The following MYOM1 variants were observed in gnomAD, a reference collection of about 807,000 sequenced individuals.
The protein encoded by MYOM1 is myomesin-1.
MYOM1 carries 164 observed loss-of-function variants against 205.3 expected under a neutral mutation model. That is an observed-to-expected ratio of 0.80 (90% CI 0.70 to 0.91). The LOEUF is 0.91. Among genes scored for constraint, MYOM1 ranks in the 40% least tolerant of loss-of-function variants. The probability of loss-of-function intolerance (pLI) is 0.00; values close to 1 mark genes in which losing one functional copy is unlikely to be tolerated. For missense variants in MYOM1, 2,011 were observed against 2,127.3 expected (o/e 0.95, Z 1.08); for synonymous variants, 772 against 789.4 (o/e 0.98, Z 0.37).
At chr18:3,091,683 T>A (rs1016654740) in intron 26 of MYOM1, among the ~76,000 whole-genome samples, 17 of 152,160 alleles carry the variant, frequency 1.1e-4, no homozygotes, top group African/African-American at 4.1e-4. Flanking sequence ...TCACAAAATG[T>A]CAAAAAGTTG....
intron 26 of MYOM1, among the ~76,000 whole-genome samples, chr18:3,091,236 A>T (rs2079221727): frequency 6.6e-6 from 1 of 152,114 alleles, no homozygotes; most frequent in Non-Finnish European, 1.5e-5. Context: ...GAATTGCTTG[A>T]ACCTAGGAGG....
intron 13 of MYOM1, among the ~76,000 whole-genome samples, chr18:3,148,894 G>T (rs916728857): frequency 1.3e-5 from 2 of 149,186 alleles, no homozygotes; most frequent in Admixed American, 6.7e-5. Flanking sequence ...TGGTTTCATG[G>T]GTATATACAT....
chr18:3,079,827 T>G (rs1375399278), intron 33 of MYOM1, among the ~76,000 whole-genome samples: 1 of 152,146 alleles, frequency 6.6e-6, no homozygotes, highest in African/African-American at 2.4e-5. Context: ...TAGAAAGCTA[T>G]TTAAAACAGA....
chr18:3,071,716 T>C (rs1246984451), intron 37 of MYOM1, 118 bp downstream of exon 37: 6 of 962,428 alleles, frequency 6.2e-6, no homozygotes, highest in Non-Finnish European at 8.1e-6. Flanking sequence ...TAAGCAGCTA[T>C]GGAGTACGAT....
At chr18:3,131,537 A>G in intron 16 of MYOM1, 41 bp from the exon 17 acceptor site, 1 of 1,576,718 alleles carries the variant, frequency 6.3e-7, no homozygotes, top group Non-Finnish European at 8.7e-7. Context: ...CCTAGGAGGA[A>G]GATTAAGGAA....
At chr18:3,235,520 T>G in the MYOM1 span, among the ~76,000 whole-genome samples, 7 of 152,248 alleles carry the variant, frequency 4.6e-5, no homozygotes, top group Non-Finnish European at 1.0e-4. Flanking sequence ...CAGTCCCTGC[T>G]TCCCTTGTTG....
At chr18:3,124,025 C>A (rs1331649477) in intron 19 of MYOM1, among the ~76,000 whole-genome samples, 1 of 151,224 alleles carries the variant, frequency 6.6e-6, no homozygotes, top group African/African-American at 2.5e-5. Flanking sequence ...TTAGTAGAGA[C>A]AGGGTTTCAC....
chr18:3,095,045 C>T (rs1438494082), intron 25 of MYOM1, among the ~76,000 whole-genome samples: 1 of 152,054 alleles, frequency 6.6e-6, no homozygotes, highest in African/African-American at 2.4e-5. Flanking sequence ...TAAAACTACC[C>T]TTTTCAAGTT....
intron 16 of MYOM1, among the ~76,000 whole-genome samples, chr18:3,132,275 T>C (rs764501058): frequency 2.6e-5 from 4 of 151,736 alleles, no homozygotes; most frequent in Non-Finnish European, 5.9e-5. Flanking sequence ...CTCAGCCTCC[T>C]GAGTAGCTGG....
At chr18:3,137,006 A>G (rs549814496) in intron 14 of MYOM1, among the ~76,000 whole-genome samples, 3 of 148,474 alleles carry the variant, frequency 2.0e-5, no homozygotes, top group South Asian at 2.1e-4. Flanking sequence ...GCTGGAGTGC[A>G]GTGGCACAAT....
chr18:3,172,125 A>G (rs918462744), intron 8 of MYOM1, among the ~76,000 whole-genome samples: 3 of 152,230 alleles, frequency 2.0e-5, no homozygotes, highest in Non-Finnish European at 4.4e-5. Flanking sequence ...CTGATCAATA[A>G]ATGTTAACTA....
intron 17 of MYOM1, among the ~76,000 whole-genome samples, chr18:3,130,942 G>T (rs1034618041): frequency 2.0e-4 from 30 of 152,206 alleles, no homozygotes; most frequent in African/African-American, 6.8e-4. Flanking sequence ...TTTTAGAGGG[G>T]TTTATAAGAA....
At chr18:3,147,565 C>T (rs566243348) in intron 13 of MYOM1, among the ~76,000 whole-genome samples, 19 of 152,040 alleles carry the variant, frequency 1.2e-4, no homozygotes, top group Middle Eastern at 6.8e-3. Flanking sequence ...AAGACTTATA[C>T]TGATTTGAAG....
intron 25 of MYOM1, among the ~76,000 whole-genome samples, chr18:3,098,258 C>A (rs79845298): frequency 0.031 from 4,711 of 152,118 alleles, 104 homozygotes; most frequent in Middle Eastern, 0.088. Context: ...TCTCTTACAG[C>A]ATTTATTTTA....
chr18:3,069,036 A>G (rs1167092475), intron 37 of MYOM1, among the ~76,000 whole-genome samples: 4 of 152,164 alleles, frequency 2.6e-5, no homozygotes, highest in African/African-American at 9.7e-5. Flanking sequence ...TGGCCTCCCA[A>G]AGTGCTGAGA....
chr18:3,237,115 G>A, the MYOM1 span, among the ~76,000 whole-genome samples: 5 of 152,188 alleles, frequency 3.3e-5, no homozygotes, highest in African/African-American at 1.2e-4. Context: ...GAGATAATTG[G>A]TCAGAAAAGG....
the MYOM1 span, chr18:3,236,623 T>C: frequency 6.6e-6 from 1 of 152,202 alleles, no homozygotes; most frequent in Non-Finnish European, 1.5e-5. Context: ...GATTAGATCA[T>C]TTGTGGAGTG....
At chr18:3,227,205 AT>A in the MYOM1 span, among the ~76,000 whole-genome samples, 23 of 150,554 alleles carry the variant, frequency 1.5e-4, no homozygotes, top group Admixed American at 9.3e-4. Context: ...TCTTGTTTGT[AT>A]TTTTTTTACT....
intron 22 of MYOM1, among the ~76,000 whole-genome samples, chr18:3,106,546 T>A (rs2079454211): frequency 6.6e-6 from 1 of 152,220 alleles, no homozygotes; most frequent in Non-Finnish European, 1.5e-5. Context: ...GGTAATTGGC[T>A]GGGCTCACTG....
Sources: allele counts gnomAD v4.1 joint callset (sites outside exome capture counted in the v4.1 genomes callset), GRCh38; gene constraint gnomAD v4.1.1; transcripts MANE v1.5; gene names NCBI Gene and HGNC (gene_info 2026-07-23, HGNC 2026-07-21).